WDR88: variants seen among roughly 807,000 people sequenced by gnomAD.
The protein encoded by WDR88 is WD repeat-containing protein 88.
In WDR88, 40 loss-of-function variants were observed where a neutral mutation model predicts 46.8. That is an observed-to-expected ratio of 0.86 (90% CI 0.66 to 1.11). The LOEUF (loss-of-function observed/expected upper bound fraction) is 1.11, where lower values mean the gene tolerates loss of function less well. Ranked by LOEUF, WDR88 falls within the 50% of genes most tolerant of loss-of-function variation. The probability of loss-of-function intolerance (pLI) is 0.00; values close to 1 mark genes in which losing one functional copy is unlikely to be tolerated. For missense variants in WDR88, 562 were observed against 602.4 expected, an observed-to-expected ratio of 0.93 and a Z score of 0.70; for synonymous variants, 235 against 240.7, an observed-to-expected ratio of 0.98 and a Z score of 0.22.
At chr19:33,132,522 C>G (rs1194831027) in intron 1 of WDR88, 77 bp downstream of exon 1, 4 of 1,558,622 alleles carry the variant, frequency 2.6e-6, no homozygotes, top group Non-Finnish European at 3.5e-6. Flanking sequence ...TGTCGGGGGA[C>G]CCATGGAAAA....
At chr19:33,167,781 CTCTCTCTT>C (rs1456269138) in intron 9 of WDR88, among the ~76,000 whole-genome samples, 2 of 151,396 alleles carry the variant, frequency 1.3e-5, no homozygotes, top group African/African-American at 2.4e-5. Context: ...CTCCTCTCTC[CTCTCTCTT>C]TCTCTCTTTC....
intron 1 of WDR88, among the ~76,000 whole-genome samples, chr19:33,133,256 A>G (rs1973177533): frequency 6.6e-6 from 1 of 151,218 alleles, no homozygotes. Context: ...AGGAGAAAGA[A>G]AGAAAAACTG....
intron 1 of WDR88, among the ~76,000 whole-genome samples, chr19:33,134,691 G>C (rs1186466572): frequency 6.6e-6 from 1 of 152,034 alleles, no homozygotes; most frequent in Non-Finnish European, 1.5e-5. Flanking sequence ...GGCCCGACGG[G>C]GTTAGCGAAC....
chr19:33,152,261 A>G (rs1417789841), intron 6 of WDR88, among the ~76,000 whole-genome samples: 2 of 151,556 alleles, frequency 1.3e-5, no homozygotes, highest in African/African-American at 4.9e-5. Context: ...ATACACGCAC[A>G]CAACATAAAA....
At chr19:33,174,421 T>C (rs1056868315) in intron 10 of WDR88, 2 of 1,386,282 alleles carry the variant, frequency 1.4e-6, no homozygotes, top group African/African-American at 1.4e-5. Flanking sequence ...CAGGGGACCA[T>C]GCATGGTGGG....
intron 3 of WDR88, 113 bp from the exon 4 acceptor site, chr19:33,147,532 G>A: frequency 2.1e-6 from 2 of 957,922 alleles, no homozygotes; most frequent in Non-Finnish European, 3.1e-6. Flanking sequence ...GAACCTGGGA[G>A]GTGGAGGTTG....
chr19:33,170,093 T>A (rs1023441769), intron 9 of WDR88, among the ~76,000 whole-genome samples: 2 of 152,128 alleles, frequency 1.3e-5, no homozygotes, highest in African/African-American at 4.8e-5. Context: ...GTCAGGCTGG[T>A]CTTGAACTCT....
In WDR88 at chr19:33,137,686, A is replaced by G; in HGVS notation, c.286A>G (p.Lys96Glu). 6.2e-7 allele frequency: 1 copy of G among 1,613,754 alleles called. No homozygotes were observed. The highest frequency in any genetic ancestry group is 8.5e-7 in the Non-Finnish European group (1 of 1,179,890). Residue 96 changes from lysine to glutamate, a missense_variant, in exon 2 of 11, where the codon AAA becomes GAA. Physicochemically the swap from Lys to Glu is moderately conservative, Grantham distance 56. Coordinates refer to ENST00000355868, the MANE Select transcript of WDR88 (RefSeq NM_173479.4). ...TCTCTCCTTTTTTCAGATCCCATTT[A>G]AAATTCTGAGTGGGCACGAGCACGC... The part of the protein sequence containing the change: ...DQDPLSKIPF[K>E]ILSGHEHAVS...
rs1477311577 is a variant in WDR88, at chr19:33,175,645, T to C, written c.*73T>C. ...TAGGTTTCGGGGCTTTGCAGGGGCT[T>C]TCTCTTGGGCCCCTCCCAGGCTCAG... On this transcript the variant is annotated 3_prime_UTR_variant, in exon 11 of 11. Coordinates refer to ENST00000355868, the MANE Select transcript of WDR88 (RefSeq NM_173479.4). 1.3e-6 allele frequency: 2 copies of C among 1,565,774 alleles called. No individual in the cohort carries two copies. Among genetic ancestry groups the C allele is most frequent in the Non-Finnish European group, 1.7e-6 (2 of 1,147,690 alleles).
At chr19:33,147,553 G>A (rs988467366) in intron 3 of WDR88, 92 bp from the exon 4 acceptor site, 2 of 1,241,838 alleles carry the variant, frequency 1.6e-6, no homozygotes, top group Non-Finnish European at 1.2e-6. Flanking sequence ...CAGTGAGCCG[G>A]TATTGCACCA....
intron 2 of WDR88, chr19:33,142,714 A>C (rs1448934298): frequency 1.3e-5 from 2 of 151,838 alleles, no homozygotes; most frequent in Non-Finnish European, 2.9e-5. Flanking sequence ...CCGACTCAAA[A>C]GGGGAAAGAA....
At chr19:33,164,703 C>T (rs1973925880) in intron 9 of WDR88, among the ~76,000 whole-genome samples, 1 of 152,052 alleles carries the variant, frequency 6.6e-6, no homozygotes. Flanking sequence ...CAGGTGTGAA[C>T]CCCGGAGAAG....
In WDR88 at chr19:33,148,868, A is replaced by G. The variant is rs1461407337; in HGVS notation, c.637A>G (p.Ile213Val). 1.2e-6 allele frequency: 2 copies of G among 1,614,160 alleles called. No homozygotes were observed. Among genetic ancestry groups the G allele is most frequent in the South Asian group, 1.1e-5 (1 of 91,086 alleles). The change falls in exon 5 of 11, where the codon ATA becomes GTA. Residue 213 changes from isoleucine (I) to valine (V), a missense_variant. Physicochemically the swap from Ile to Val is conservative, Grantham distance 29 (BLOSUM62 3). Transcript: ENST00000355868. The stretch of plus-strand genomic sequence containing the variant: ...CTTCGACGTGGATCATGGAATCTGC[A>G]TAATGGACGCCGAGAACATCACCAC... ...SGFDVDHGIC[I>V]MDAENITTVS... is the part of the protein sequence containing the mutation.
chr19:33,158,574 G>A (rs149972352), intron 7 of WDR88, among the ~76,000 whole-genome samples: 1 of 152,330 alleles, frequency 6.6e-6, no homozygotes, highest in Non-Finnish European at 1.5e-5. Context: ...GTCACTCACA[G>A]ATGTGAAGAG....
chr19:33,163,843 G>A (rs1254329576), intron 8 of WDR88, among the ~76,000 whole-genome samples: 2 of 151,842 alleles, frequency 1.3e-5, no homozygotes, highest in East Asian at 1.9e-4. Context: ...TATGTTGCCC[G>A]GGCTGGTCTC....
intron 2 of WDR88, among the ~76,000 whole-genome samples, chr19:33,141,240 T>TG (rs748666810): frequency 7.0e-6 from 1 of 143,318 alleles, no homozygotes; most frequent in Non-Finnish European, 1.5e-5. Context: ...TTTTTTTTTT[T>TG]CTTTTTTGAC....
intron 1 of WDR88, among the ~76,000 whole-genome samples, chr19:33,133,056 C>G (rs1973164129): frequency 6.6e-6 from 1 of 151,784 alleles, no homozygotes; most frequent in African/African-American, 2.4e-5. Context: ...ACTTGAAAGG[C>G]TGAGGCAAGA....
At chr19:33,160,531 C>T in intron 8 of WDR88, 35 bp downstream of exon 8, 3 of 1,609,658 alleles carry the variant, frequency 1.9e-6, no homozygotes, top group Non-Finnish European at 2.6e-6. Flanking sequence ...AGGATCTGAA[C>T]TTCCCTCCCG....
At chr19:33,134,854 C>G (rs1294393122) in intron 1 of WDR88, among the ~76,000 whole-genome samples, 1 of 141,578 alleles carries the variant, frequency 7.1e-6, no homozygotes, top group African/African-American at 2.5e-5. Flanking sequence ...CCCCCCCCGC[C>G]CCGCATCACC....
Sources: gnomAD v4.1 joint callset for allele counts (sites outside exome capture counted in the v4.1 genomes callset) on GRCh38, gnomAD v4.1.1 for gene constraint, MANE v1.5 for transcripts, NCBI Gene and HGNC (gene_info 2026-07-23, HGNC 2026-07-21) for gene names.